The following DAG1 variants were observed in gnomAD, a reference collection of about 807,000 sequenced individuals.
DAG1 encodes the protein dystroglycan 1 (dystrophin-associated glycoprotein 1).
A neutral mutation model predicts 46.1 loss-of-function variants in DAG1; 8 were observed. The ratio of observed to expected loss-of-function variants is 0.17; its 90% CI spans 0.10 to 0.31. DAG1 has a LOEUF of 0.31. Among genes scored for constraint, DAG1 ranks in the 10% least tolerant of loss-of-function variants. The pLI is 1.00. For synonymous variants in DAG1, 495 were observed against 481.8 expected (o/e 1.03, Z -0.36); for missense variants, 1,003 against 1,189.9 (o/e 0.84, Z 2.31).
chr3:49,487,994 G>T (rs926984438), intron 1 of DAG1, among the ~76,000 whole-genome samples: 1 of 152,012 alleles, frequency 6.6e-6, no homozygotes, highest in Non-Finnish European at 1.5e-5. Context: ...GAGCCACCAC[G>T]CCCGGCCAGC....
chr3:49,533,029 ACTC>A lies in DAG1; in HGVS notation c.2522_2524del (p.Pro841del). On this transcript the variant is annotated inframe_deletion, in exon 3 of 3. Coordinates refer to ENST00000308775, the MANE Select transcript of DAG1 (RefSeq NM_004393.6). ...CCCCAACCAGAGTGTGCCCGAGACC[ACTC>A]CTCTGAACCAGGACACCATGGGAGA... 1 of 1,613,100 alleles carries A rather than the reference ACTC, an allele frequency of 6.2e-7. No individual in the cohort carries two copies. Among genetic ancestry groups the A allele is most frequent in the Non-Finnish European group, 8.5e-7 (1 of 1,179,724 alleles).
intron 1 of DAG1, among the ~76,000 whole-genome samples, chr3:49,508,122 G>A (rs2050656650): frequency 7.8e-6 from 1 of 127,814 alleles, no homozygotes; most frequent in Non-Finnish European, 1.7e-5. Flanking sequence ...GTTTTTCTCT[G>A]TTTTTGTTTT....
At chr3:49,478,623 C>T (rs1275968163) in intron 1 of DAG1, among the ~76,000 whole-genome samples, 1 of 143,376 alleles carries the variant, frequency 7.0e-6, no homozygotes, top group Admixed American at 7.5e-5. Flanking sequence ...AGCGATTCAT[C>T]TGCCTGAGCC....
At chr3:49,522,232 A>C (rs1289375916) in intron 2 of DAG1, among the ~76,000 whole-genome samples, 2 of 151,802 alleles carry the variant, frequency 1.3e-5, no homozygotes, top group Non-Finnish European at 2.9e-5. Flanking sequence ...GGGTTTCACC[A>C]TGTTGGCCAG....
chr3:49,508,301 G>A (rs543766961), intron 1 of DAG1, among the ~76,000 whole-genome samples: 1 of 150,278 alleles, frequency 6.7e-6, no homozygotes, highest in Non-Finnish European at 1.5e-5. Context: ...TCCTGGGTTC[G>A]AGCAATTCTC....
intron 2 of DAG1, chr3:49,511,038 A>G: frequency 1.1e-6 from 1 of 910,810 alleles, no homozygotes; most frequent in Non-Finnish European, 1.3e-6. Flanking sequence ...GGGCATCACC[A>G]TGTAATAGCC....
chr3:49,520,228 C>T (rs905327894), intron 2 of DAG1, among the ~76,000 whole-genome samples: 1 of 152,250 alleles, frequency 6.6e-6, no homozygotes, highest in African/African-American at 2.4e-5. Flanking sequence ...CCATGTTCCT[C>T]ATTAGCAGAA....
At chr3:49,471,769 C>T (rs1299339271) in intron 1 of DAG1, among the ~76,000 whole-genome samples, 1 of 152,238 alleles carries the variant, frequency 6.6e-6, no homozygotes, top group African/African-American at 2.4e-5. Context: ...TGATTCACTA[C>T]CTGCCAAATT....
rs762428862 is a variant in DAG1 at position 49,533,163 on chromosome 3, C to A, written c.2652C>A (p.Thr884=). The A allele has an allele frequency of 2.2e-5, 36 of 1,613,890 alleles. No homozygotes were observed. Among genetic ancestry groups the A allele is most frequent in the Non-Finnish European group, 2.5e-5 (30 of 1,180,038 alleles). Residue 884 remains threonine (T), a synonymous_variant, in exon 3 of 3, where the codon ACC becomes ACA. Transcript: ENST00000308775. ...EGKGSRPKNM[T]PYRSPPPYVP... Reference sequence around the variant, plus strand: ...AGGGCTCCCGTCCCAAGAACATGACCCCATACCGGTCACCTCCTCCCTATG... The same window carrying A: ...AGGGCTCCCGTCCCAAGAACATGACACCATACCGGTCACCTCCTCCCTATG...
chr3:49,490,319 C>T (rs537608626), intron 1 of DAG1, among the ~76,000 whole-genome samples: 4 of 150,916 alleles, frequency 2.7e-5, no homozygotes, highest in African/African-American at 9.7e-5. Context: ...CGCCACTGCC[C>T]TCTAGCCTGG....
intron 1 of DAG1, among the ~76,000 whole-genome samples, chr3:49,481,995 A>G (rs1360570410): frequency 2.6e-5 from 4 of 152,194 alleles, no homozygotes; most frequent in Non-Finnish European, 5.9e-5. Context: ...ATCATTTCCT[A>G]AATGTTAGAA....
At chr3:49,474,839 G>T (rs1371347547) in intron 1 of DAG1, among the ~76,000 whole-genome samples, 4 of 141,388 alleles carry the variant, frequency 2.8e-5, no homozygotes, top group African/African-American at 1.1e-4. Flanking sequence ...ACGGAGTCTC[G>T]CTCTGTCACC....
chr3:49,485,990 G>A (rs2050014511), intron 1 of DAG1, among the ~76,000 whole-genome samples: 1 of 151,804 alleles, frequency 6.6e-6, no homozygotes, highest in African/African-American at 2.4e-5. Context: ...CAAGCTTTCT[G>A]AGGGTTGTCC....
intron 2 of DAG1, among the ~76,000 whole-genome samples, chr3:49,518,589 A>G (rs1379738793): frequency 6.6e-6 from 1 of 152,234 alleles, no homozygotes; most frequent in Non-Finnish European, 1.5e-5. Context: ...CAGAGGGTAT[A>G]GCCCCAAGAT....
intron 1 of DAG1, among the ~76,000 whole-genome samples, chr3:49,486,511 C>T (rs2050031067): frequency 6.7e-6 from 1 of 150,268 alleles, no homozygotes; most frequent in African/African-American, 2.5e-5. Flanking sequence ...AGCCACCGCG[C>T]CCGGCCCTTT....
intron 1 of DAG1, chr3:49,470,872 G>C (rs2049499805): frequency 6.6e-6 from 1 of 152,314 alleles, no homozygotes; most frequent in Non-Finnish European, 1.5e-5. Context: ...TGCTCTGTCA[G>C]AGCTGCTCAG....
intron 1 of DAG1, among the ~76,000 whole-genome samples, chr3:49,500,569 A>G (rs2050422300): frequency 1.3e-5 from 2 of 152,224 alleles, no homozygotes; most frequent in Non-Finnish European, 2.9e-5. Context: ...CACTACTCGA[A>G]AAAGAGCTTC....
At chr3:49,522,719 CT>C (rs2051065716) in intron 2 of DAG1, among the ~76,000 whole-genome samples, 1 of 152,130 alleles carries the variant, frequency 6.6e-6, no homozygotes, top group Non-Finnish European at 1.5e-5. Flanking sequence ...TTTTCAAGAT[CT>C]TTTTTTCCTT....
chr3:49,471,610 G>C (rs1559542434), intron 1 of DAG1, among the ~76,000 whole-genome samples: 2 of 152,298 alleles, frequency 1.3e-5, no homozygotes, highest in East Asian at 3.9e-4. Flanking sequence ...TCAGATTTCA[G>C]TAGGGAGTTG....
Sources: allele counts gnomAD v4.1 joint callset (sites outside exome capture counted in the v4.1 genomes callset), GRCh38; gene constraint gnomAD v4.1.1; transcripts MANE v1.5; gene names NCBI Gene and HGNC (gene_info 2026-07-23, HGNC 2026-07-21).